The following ESR1 variants were observed in gnomAD, a reference collection of about 807,000 sequenced individuals.
The protein encoded by ESR1 is estrogen receptor.
Under a neutral mutation model 52.7 loss-of-function variants are expected in ESR1, and 12 were observed. The ratio of observed to expected loss-of-function variants is 0.23; its 90% CI spans 0.15 to 0.37. The LOEUF (loss-of-function observed/expected upper bound fraction) is 0.37, where lower values mean the gene tolerates loss of function less well. ESR1 is among the 10% of genes least tolerant of loss of function. The pLI, the probability that ESR1 is intolerant of heterozygous loss-of-function variation, is 1.00. For missense variants in ESR1, 584 were observed against 779.7 expected (o/e 0.75, Z 2.99); for synonymous variants, 305 against 316.8 (o/e 0.96, Z 0.39).
intron 1 of ESR1, among the ~76,000 whole-genome samples, chr6:151,835,656 G>A (rs1783209826): frequency 6.6e-6 from 1 of 152,198 alleles, no homozygotes. Flanking sequence ...TAGGTGACAG[G>A]AAACAATGAA....
chr6:151,685,384 C>T (rs1052869944), intron 1 of ESR1, among the ~76,000 whole-genome samples: 4 of 151,946 alleles, frequency 2.6e-5, no homozygotes, highest in African/African-American at 4.8e-5. Flanking sequence ...CCACCCGCCT[C>T]GGCCTCCCAA....
At chr6:151,916,584 G>A (rs192365733) in intron 3 of ESR1, among the ~76,000 whole-genome samples, 5 of 152,200 alleles carry the variant, frequency 3.3e-5, no homozygotes, top group Admixed American at 1.3e-4. Flanking sequence ...ATTTTCTTTC[G>A]ATGACCTCTC....
chr6:152,013,828 C>T (rs1400801783), intron 5 of ESR1, among the ~76,000 whole-genome samples: 1 of 152,018 alleles, frequency 6.6e-6, no homozygotes, highest in Non-Finnish European at 1.5e-5. Flanking sequence ...ACCTCTAGAC[C>T]AGGATTTGTC....
At chr6:151,669,345 T>C (rs1777968206) in intron 1 of ESR1, among the ~76,000 whole-genome samples, 1 of 151,660 alleles carries the variant, frequency 6.6e-6, no homozygotes, top group South Asian at 2.1e-4. Flanking sequence ...AATTCCACCA[T>C]GGAGAAAGTA....
At chr6:151,823,116 A>G (rs938735587) in intron 1 of ESR1, among the ~76,000 whole-genome samples, 1 of 152,184 alleles carries the variant, frequency 6.6e-6, no homozygotes, top group Non-Finnish European at 1.5e-5. Flanking sequence ...CTAAAATATT[A>G]TTTGTTGTTT....
At chr6:151,935,547 C>T (rs1301414933) in intron 3 of ESR1, among the ~76,000 whole-genome samples, 2 of 152,182 alleles carry the variant, frequency 1.3e-5, no homozygotes, top group African/African-American at 2.4e-5. Context: ...GGTCACCTAC[C>T]TTCACCCTAG....
At position 152,045,389 on chromosome 6, in the gene ESR1, A is replaced by G. The variant is rs2046145207; in HGVS notation, c.1236-15602A>G. On this transcript the variant is annotated intron_variant, in intron 5 of 7. Coordinates refer to ENST00000206249, the MANE Select transcript of ESR1 (RefSeq NM_000125.4). ...GAACAATGTGAGAATCAACCAGGGC[A>G]TGGTACTCCACACTGTGTTCAGATC... Among the ~76,000 whole-genome samples the G allele has an allele frequency of 5.9e-5, 9 of 152,198 alleles. 1 individual carries two copies. In the South Asian group the frequency reaches 1.9e-3, roughly 32 times the overall value.
intron 4 of ESR1, among the ~76,000 whole-genome samples, chr6:151,953,049 A>G (rs972591260): frequency 6.6e-6 from 1 of 152,174 alleles, no homozygotes; most frequent in Non-Finnish European, 1.5e-5. Flanking sequence ...CCTTAATGTG[A>G]TGACCGCTTG....
chr6:152,056,783 C>T (rs570934356), intron 5 of ESR1, among the ~76,000 whole-genome samples: 45 of 152,268 alleles, frequency 3.0e-4, no homozygotes, highest in African/African-American at 9.9e-4. Flanking sequence ...CAGGCTGTCA[C>T]GTCTCACAGT....
intron 5 of ESR1, among the ~76,000 whole-genome samples, chr6:152,037,933 A>G (rs2045451184): frequency 6.6e-6 from 1 of 151,266 alleles, no homozygotes; most frequent in South Asian, 2.1e-4. Context: ...CTAATAGGAT[A>G]GATGTATATA....
upstream of ESR1, among the ~76,000 whole-genome samples, chr6:151,806,289 G>A (rs1417980379): frequency 6.6e-6 from 1 of 151,904 alleles, no homozygotes; most frequent in Non-Finnish European, 1.5e-5. Context: ...TAGATAAAAT[G>A]TATACTTGAT....
intron 2 of ESR1, among the ~76,000 whole-genome samples, chr6:151,791,750 C>T (rs563983311): frequency 6.6e-6 from 1 of 152,194 alleles, no homozygotes; most frequent in Non-Finnish European, 1.5e-5. Context: ...TCCTATAATT[C>T]TTGAGGAATG....
intron 1 of ESR1, among the ~76,000 whole-genome samples, chr6:151,833,717 C>G (rs1348271326): frequency 6.6e-6 from 1 of 152,226 alleles, no homozygotes; most frequent in Non-Finnish European, 1.5e-5. Context: ...GGGAAGAGCA[C>G]TGCAAAGGGT....
At chr6:152,086,704 G>A (rs17082104) in intron 6 of ESR1, among the ~76,000 whole-genome samples, 17,077 of 151,450 alleles carry the variant, frequency 0.11, 1,197 homozygotes, top group East Asian at 0.33. Context: ...ATCTGTGCCA[G>A]CTGGGAATAT....
At chr6:152,079,841 G>A (rs2049046517) in intron 6 of ESR1, among the ~76,000 whole-genome samples, 1 of 152,194 alleles carries the variant, frequency 6.6e-6, no homozygotes, top group Non-Finnish European at 1.5e-5. Flanking sequence ...ACTTCGTGAT[G>A]TATGCACAAG....
intron 3 of ESR1, among the ~76,000 whole-genome samples, chr6:151,933,411 T>C (rs1470104765): frequency 1.3e-5 from 2 of 150,846 alleles, no homozygotes; most frequent in African/African-American, 2.4e-5. Flanking sequence ...CAGGGACAAT[T>C]TGACTTCCTC....
At chr6:151,720,914 T>C (rs1229136130) in intron 2 of ESR1, among the ~76,000 whole-genome samples, 1 of 152,214 alleles carries the variant, frequency 6.6e-6, no homozygotes, top group Non-Finnish European at 1.5e-5. Context: ...AAGGTAATTA[T>C]TTAATCAAAC....
At chr6:152,028,067 C>T (rs1277158873) in intron 5 of ESR1, among the ~76,000 whole-genome samples, 1 of 152,172 alleles carries the variant, frequency 6.6e-6, no homozygotes, top group African/African-American at 2.4e-5. Context: ...TGGCCTGAAT[C>T]CGGGAGGCAG....
intron 2 of ESR1, among the ~76,000 whole-genome samples, chr6:151,702,395 A>G (rs935276959): frequency 1.3e-5 from 2 of 152,164 alleles, no homozygotes; most frequent in African/African-American, 2.4e-5. Flanking sequence ...GAGCTTTACC[A>G]TAGTTTCCAG....
Sources: gnomAD v4.1 joint callset for allele counts (sites outside exome capture counted in the v4.1 genomes callset) on GRCh38, gnomAD v4.1.1 for gene constraint, MANE v1.5 for transcripts, NCBI Gene and HGNC (gene_info 2026-07-23, HGNC 2026-07-21) for gene names.